The following BICRA variants were observed in gnomAD, a reference collection of about 807,000 sequenced individuals.
BICRA encodes the protein BRD4-interacting chromatin-remodeling complex-associated protein.
In BICRA, 31 loss-of-function variants were observed where a neutral mutation model predicts 96.9. That is an observed-to-expected ratio of 0.32 (90% CI 0.24 to 0.43). BICRA has a LOEUF of 0.43. BICRA is among the 20% of genes least tolerant of loss of function. The pLI is 1.00. For synonymous variants in BICRA, 1,350 were observed against 1,071.8 expected, an observed-to-expected ratio of 1.26 and a Z score of -5.07; for missense variants, 2,283 against 2,190.3, an observed-to-expected ratio of 1.04 and a Z score of -0.84.
In BICRA at chr19:47,680,148, G is replaced by A. The variant is rs1483573977; in HGVS notation, c.978G>A (p.Ala326=). The change falls in exon 6 of 15, where the codon GCG becomes GCA. Residue 326 remains alanine, a synonymous_variant. Coordinates refer to ENST00000594866, the MANE Select transcript of BICRA (RefSeq NM_001394372.1). The part of the protein sequence containing the change: ...PTGTPSGQPL[A]VAPGLGSSPL... ...GGACGCCCTCGGGACAGCCGCTGGC[G>A]GTGGCCCCAGGCCTCGGCTCGTCGC... 3.3e-6 allele frequency: 5 copies of A among 1,524,742 alleles called. No individual in the cohort carries two copies. In the South Asian group the frequency reaches 3.7e-5, roughly 11 times the overall value. 94.5% of individuals were successfully genotyped at this position (1,524,742 alleles called of 1,614,324 possible).
At chr19:47,610,913 T>C (rs1404954919) in intron 1 of BICRA, among the ~76,000 whole-genome samples, 1 of 152,130 alleles carries the variant, frequency 6.6e-6, no homozygotes, top group Non-Finnish European at 1.5e-5. Flanking sequence ...CTCCCTTGCC[T>C]TCCCTCATAG....
chr19:47,659,542 A>G (rs1334595425), intron 1 of BICRA, among the ~76,000 whole-genome samples: 1 of 151,174 alleles, frequency 6.6e-6, no homozygotes, highest in African/African-American at 2.4e-5. Flanking sequence ...GGGAAAGGGG[A>G]CTCCTTTCTC....
At chr19:47,669,975 A>G in intron 1 of BICRA, among the ~76,000 whole-genome samples, 1 of 116,448 alleles carries the variant, frequency 8.6e-6, no homozygotes, top group East Asian at 2.6e-4. Context: ...TATTTTTGAG[A>G]CAGGGTCTCA....
In BICRA at chr19:47,681,051, G is replaced by GC; in HGVS notation, c.1887dup (p.Ala630ArgfsTer44). Reference sequence around the variant, plus strand: ...TCACGGTGCAGCCTGCCCCCCAGGCGCCCCCCGCGGTCAGCACACCCCTGC... The same window carrying GC: ...TCACGGTGCAGCCTGCCCCCCAGGCGCCCCCCCGCGGTCAGCACACCCCTGC... On this transcript the variant is annotated frameshift_variant, in exon 6 of 15. Coordinates refer to ENST00000594866, the MANE Select transcript of BICRA (RefSeq NM_001394372.1). LOFTEE classifies it high-confidence loss of function. The GC allele has an allele frequency of 2.1e-6, 3 of 1,399,142 alleles. No individual in the cohort carries two copies. Among genetic ancestry groups the GC allele is most frequent in the Admixed American group, 3.3e-5 (1 of 30,670 alleles). 86.7% of individuals were successfully genotyped at this position (1,399,142 alleles called of 1,614,324 possible).
intron 14 of BICRA, chr19:47,700,461 G>A (rs964838510): frequency 6.6e-6 from 1 of 152,198 alleles, no homozygotes; most frequent in Non-Finnish European, 1.5e-5. Flanking sequence ...GAGTGAAATC[G>A]ATGGGTATCC....
At chr19:47,643,399 G>A (rs1171968653) in intron 1 of BICRA, among the ~76,000 whole-genome samples, 1 of 152,262 alleles carries the variant, frequency 6.6e-6, no homozygotes, top group African/African-American at 2.4e-5. Context: ...GGCTTTGAAT[G>A]TGGCTCTTTC....
intron 1 of BICRA, chr19:47,662,828 T>A (rs1449870833): frequency 6.6e-6 from 1 of 152,104 alleles, no homozygotes; most frequent in African/African-American, 2.4e-5. Context: ...TCTGGCCACT[T>A]TGCAATCAAC....
intron 1 of BICRA, among the ~76,000 whole-genome samples, chr19:47,653,972 ACAAGCGTGAGCCACCG>A (rs1477499300): frequency 1.1e-4 from 17 of 152,126 alleles, no homozygotes; most frequent in Non-Finnish European, 2.4e-4. Flanking sequence ...AGCTGGTATT[ACAAGCGTGAGCCACCG>A]CACCCAGCCT....
At position 47,702,387 on chromosome 19, in the gene BICRA, G is replaced by GCCT. The variant is rs748787329; in HGVS notation, c.4657_4659dup (p.Leu1553dup). 6.6e-6 allele frequency: 10 copies of GCCT among 1,516,876 alleles called. No individual in the cohort carries two copies. In the South Asian group the frequency reaches 1.2e-4, roughly 19 times the overall value. 94.0% of individuals were successfully genotyped at this position (1,516,876 alleles called of 1,614,324 possible). ...TACCCACCCTCCAGTCACAACGGTG[G>GCCT]CCTCGGCGCCAGGACGTTGACCAGA... On this transcript the variant is annotated inframe_insertion, in exon 15 of 15. Coordinates refer to ENST00000594866, the MANE Select transcript of BICRA (RefSeq NM_001394372.1).
At position 47,609,897 on chromosome 19, in the gene BICRA, G is replaced by C. The variant is rs546893154; in HGVS notation, c.-108+729G>C. Among the ~76,000 whole-genome samples, 125 of 152,266 alleles carry C rather than the reference G, an allele frequency of 8.2e-4. 3 individuals are homozygous for C. The highest frequency in any genetic ancestry group is 8.1e-3 in the South Asian group (39 of 4,834). On this transcript the variant is annotated intron_variant, in intron 1 of 14. Transcript: ENST00000594866. ...GAGTTGACTTGACCCCCAGCCCCCG[G>C]CAATAGAGGGAGGTGACCCCCTCCC...
At chr19:47,620,395 A>C (rs1972047108) in intron 1 of BICRA, among the ~76,000 whole-genome samples, 1 of 152,040 alleles carries the variant, frequency 6.6e-6, no homozygotes, top group Admixed American at 6.6e-5. Flanking sequence ...GCCAGGGCGC[A>C]GTGGCTCACA....
At chr19:47,676,249 A>AG (rs1940109631) in intron 5 of BICRA, among the ~76,000 whole-genome samples, 1 of 151,864 alleles carries the variant, frequency 6.6e-6, no homozygotes, top group Admixed American at 6.6e-5. Context: ...TGGGGTTCAC[A>AG]GGGGCACTCC....
chr19:47,628,820 C>T (rs1186766814), intron 1 of BICRA, among the ~76,000 whole-genome samples: 1 of 152,024 alleles, frequency 6.6e-6, no homozygotes, highest in Non-Finnish European at 1.5e-5. Context: ...GTTGCCCAGG[C>T]TGGTCTCAAA....
chr19:47,629,254 C>T (rs534531720), intron 1 of BICRA, among the ~76,000 whole-genome samples: 10 of 152,244 alleles, frequency 6.6e-5, no homozygotes, highest in South Asian at 6.2e-4. Flanking sequence ...CCACCCGCCT[C>T]GGCCTCCCAA....
intron 1 of BICRA, among the ~76,000 whole-genome samples, chr19:47,642,375 G>A (rs1263681642): frequency 6.6e-6 from 1 of 152,180 alleles, no homozygotes; most frequent in Non-Finnish European, 1.5e-5. Flanking sequence ...TGGATTAGTA[G>A]GGTCAGATGA....
intron 1 of BICRA, among the ~76,000 whole-genome samples, chr19:47,654,854 C>T (rs933523412): frequency 2.6e-5 from 4 of 151,512 alleles, no homozygotes; most frequent in Admixed American, 2.6e-4. Flanking sequence ...TAATTTTGGT[C>T]GTGTCAATGG....
chr19:47,698,342 C>T lies in BICRA; in HGVS notation c.3249-292C>T, dbSNP rs953165082. Among the ~76,000 whole-genome samples the T allele has an allele frequency of 6.6e-6, 1 of 152,196 alleles. No individual in the cohort carries two copies. The highest frequency in any genetic ancestry group is 1.9e-4 in the East Asian group (1 of 5,196). On this transcript the variant is annotated intron_variant, in intron 11 of 14. Coordinates refer to ENST00000594866, the MANE Select transcript of BICRA (RefSeq NM_001394372.1). The surrounding 1 kb of genome is among the most constrained non-coding windows in gnomAD (Gnocchi z 4.8). ...GCTTCCAGGCTCTGGCCTCACTTCC[C>T]GCTCTGCTCTTCCTCCCTTACGTGC...
chr19:47,670,127 T>C (rs1972842358), intron 1 of BICRA, among the ~76,000 whole-genome samples: 1 of 151,736 alleles, frequency 6.6e-6, no homozygotes, highest in African/African-American at 2.4e-5. Flanking sequence ...AAAACTTTCT[T>C]TTTGTAGAGA....
intron 7 of BICRA, among the ~76,000 whole-genome samples, chr19:47,693,543 G>A (rs920485306): frequency 6.6e-6 from 1 of 152,234 alleles, no homozygotes; most frequent in Non-Finnish European, 1.5e-5. Flanking sequence ...GTGGCCATCC[G>A]TATTCTCGGC....
Sources: gnomAD v4.1 joint callset for allele counts (sites outside exome capture counted in the v4.1 genomes callset) on GRCh38, gnomAD v4.1.1 for gene constraint, Gnocchi (gnomAD v3.1) non-coding constraint, MANE v1.5 for transcripts, NCBI Gene and HGNC (gene_info 2026-07-23, HGNC 2026-07-21) for gene names.